ESF1: variants seen among roughly 807,000 people sequenced by gnomAD.
The protein encoded by ESF1 is ESF1 homolog.
Under a neutral mutation model 92.0 loss-of-function variants are expected in ESF1, and 58 were observed. The ratio of observed to expected loss-of-function variants is 0.63; its 90% confidence interval spans 0.51 to 0.78. ESF1 has a LOEUF of 0.78. Among genes scored for constraint, ESF1 ranks in the 30% least tolerant of loss-of-function variants. The probability of loss-of-function intolerance (pLI) is 0.00; values close to 1 mark genes in which losing one functional copy is unlikely to be tolerated. For synonymous variants in ESF1, 321 were observed against 313.7 expected, an observed-to-expected ratio of 1.02 and a Z score of -0.24; for missense variants, 922 against 989.1, an observed-to-expected ratio of 0.93 and a Z score of 0.91.
chr20:13,739,885 C>T (rs984975241), intron 9 of ESF1, among the ~76,000 whole-genome samples: 12 of 152,108 alleles, frequency 7.9e-5, no homozygotes, highest in African/African-American at 1.9e-4. Context: ...AGCCTGATCA[C>T]GGTGGGAGGT....
At chr20:13,745,187 AAC>A (rs1463417651) in intron 9 of ESF1, among the ~76,000 whole-genome samples, 11 of 152,246 alleles carry the variant, frequency 7.2e-5, no homozygotes, top group Non-Finnish European at 1.0e-4. Context: ...CATTTGGGAA[AAC>A]ACATGACCTA....
chr20:13,771,344 A>C lies in ESF1; in HGVS notation c.1390T>G (p.Phe464Val), dbSNP rs1979673332. ...ACACTGGATTACCTTAGATCTATGAAAGAACAACTACTTTCAAATTCCAGG... is the reference window on the plus strand; with the variant it reads ...ACACTGGATTACCTTAGATCTATGACAGAACAACTACTTTCAAATTCCAGG... ...DGLEFESSCS[F>V]IDLRFIPDDI... The change falls in exon 6 of 14, where the codon TTC (phenylalanine) becomes GTC (valine). Residue 464 changes from phenylalanine (F) to valine (V), a missense_variant. By Grantham distance (50) the Phe-to-Val change is conservative. Coordinates refer to ENST00000617257, the MANE Select transcript of ESF1 (RefSeq NM_001276380.2). The C allele has an allele frequency of 1.2e-6, 2 of 1,611,676 alleles. No individual in the cohort carries two copies. The highest frequency in any genetic ancestry group is 1.7e-6 in the Non-Finnish European group (2 of 1,179,598).
At chr20:13,759,901 ACT>A (rs1292045690) in intron 8 of ESF1, 48 bp from the exon 9 acceptor site, 1 of 1,533,690 alleles carries the variant, frequency 6.5e-7, no homozygotes, top group African/African-American at 1.4e-5. Flanking sequence ...TTCATTTCTA[ACT>A]CGTGTTCAGA....
At chr20:13,736,751 C>G (rs1329348134) in intron 9 of ESF1, among the ~76,000 whole-genome samples, 1 of 152,162 alleles carries the variant, frequency 6.6e-6, no homozygotes, top group Non-Finnish European at 1.5e-5. Flanking sequence ...ACCTATAACT[C>G]TAAAATAATT....
At chr20:13,769,555 A>G (rs938630112) in intron 7 of ESF1, among the ~76,000 whole-genome samples, 18 of 152,168 alleles carry the variant, frequency 1.2e-4, no homozygotes, top group African/African-American at 4.3e-4. Context: ...TTGGGAAGCC[A>G]AGGCGGCCTC....
In ESF1 at chr20:13,776,064, C is replaced by T. The variant is rs1979923362; in HGVS notation, c.844G>A (p.Glu282Lys). Reference sequence around the variant, plus strand: ...CTATCCTCATCTTCATCCTCCTCTTCATCTTCATCCTCCTCTTCATCATCT... The same window carrying T: ...CTATCCTCATCTTCATCCTCCTCTTTATCTTCATCCTCCTCTTCATCATCT... ...SEDDEEEDED[E>K]EEDEDEDSED... The change falls in exon 3 of 14, where the codon GAA becomes AAA. Residue 282 changes from glutamate to lysine, a missense_variant. Coordinates refer to ENST00000617257, the MANE Select transcript of ESF1 (RefSeq NM_001276380.2). 6.2e-7 allele frequency: 1 copy of T among 1,613,768 alleles called. No homozygotes were observed. Among genetic ancestry groups the T allele is most frequent in the African/African-American group, 1.3e-5 (1 of 75,036 alleles).
At chr20:13,737,897 C>A (rs766557730) in intron 9 of ESF1, among the ~76,000 whole-genome samples, 1 of 152,166 alleles carries the variant, frequency 6.6e-6, no homozygotes, top group Non-Finnish European at 1.5e-5. Context: ...CTCAGGTGAT[C>A]CGCCCACCTC....
chr20:13,784,845 C>A lies in ESF1; in HGVS notation c.-44+35G>T, dbSNP rs113165016. The A allele has an allele frequency of 3.6e-4, 213 of 588,882 alleles. 3 individuals are homozygous for A. In the East Asian group the frequency reaches 6.0e-3, roughly 16 times the overall value. The allele number at this position is 588,882 out of a possible 1,614,324, so 36.5% of individuals were successfully genotyped here. A position where few individuals can be genotyped will look rare whatever the true frequency, so the allele number is the denominator to read the frequency against. On this transcript the variant is annotated intron_variant, in intron 1 of 13. Coordinates refer to ENST00000617257, the MANE Select transcript of ESF1 (RefSeq NM_001276380.2). ...ACACACACGCCCTCAAGCCCTTCAT[C>A]TCGAGCTCTTCAACTCCAGTCCATC...
chr20:13,784,530 G>A (rs1980547409), intron 1 of ESF1, among the ~76,000 whole-genome samples: 1 of 152,044 alleles, frequency 6.6e-6, no homozygotes, highest in African/African-American at 2.4e-5. Flanking sequence ...CCGAGAGAGG[G>A]GAAGGCGACC....
intron 2 of ESF1, among the ~76,000 whole-genome samples, chr20:13,780,686 T>C (rs1420259103): frequency 1.3e-5 from 2 of 152,234 alleles, no homozygotes; most frequent in African/African-American, 4.8e-5. Flanking sequence ...CCTCTCGGCC[T>C]ATCAAGACCC....
At chr20:13,722,145 A>T (rs184654992) in intron 11 of ESF1, among the ~76,000 whole-genome samples, 1 of 152,354 alleles carries the variant, frequency 6.6e-6, no homozygotes, top group Admixed American at 6.5e-5. Context: ...TGTGGAAAAT[A>T]ATTTCAAAAA....
intron 9 of ESF1, among the ~76,000 whole-genome samples, chr20:13,747,592 C>CG (rs1238280710): frequency 8.3e-6 from 1 of 121,002 alleles, no homozygotes; most frequent in African/African-American, 3.3e-5. Flanking sequence ...GACTCAGTCT[C>CG]GAAAAAAAAA....
chr20:13,769,788 G>GA (rs1291302321), intron 7 of ESF1, 119 bp downstream of exon 7: 5 of 749,486 alleles, frequency 6.7e-6, no homozygotes, highest in Non-Finnish European at 1.1e-5. Flanking sequence ...TCTGTCTCAA[G>GA]AAAAAATAAT....
chr20:13,781,307 T>C (rs997065416), intron 2 of ESF1, among the ~76,000 whole-genome samples: 11 of 152,226 alleles, frequency 7.2e-5, no homozygotes, highest in Non-Finnish European at 1.0e-4. Flanking sequence ...GAAAATGGGA[T>C]GTAAAATATA....
chr20:13,722,516 T>C (rs2049874577), intron 11 of ESF1, among the ~76,000 whole-genome samples: 1 of 152,198 alleles, frequency 6.6e-6, no homozygotes, highest in African/African-American at 2.4e-5. Context: ...TGTTCTAAAA[T>C]ATTGTCTTTA....
Position 13,760,557 on chromosome 20 carries a change from G to A in ESF1, c.1667-704C>T, listed in dbSNP as rs567376051. Among the ~76,000 whole-genome samples the A allele has an allele frequency of 6.7e-4, 100 of 148,586 alleles. No individual in the cohort carries two copies. In the East Asian group the frequency reaches 0.017, roughly 25 times the overall value. ...TGAGAAGTGAGGAGCCCCTCCGCCC[G>A]GCAGCCGCCCCATCTGGGAAGTGAG... On this transcript the variant is annotated intron_variant, in intron 8 of 13. Transcript: ENST00000617257.
At chr20:13,770,309 G>A (rs539539945) in intron 6 of ESF1, among the ~76,000 whole-genome samples, 1 of 152,328 alleles carries the variant, frequency 6.6e-6, no homozygotes, top group African/African-American at 2.4e-5. Context: ...GCAAGCACAT[G>A]TGGGTCCCTC....
chr20:13,737,156 A>G (rs1054289684), intron 9 of ESF1, among the ~76,000 whole-genome samples: 5 of 152,204 alleles, frequency 3.3e-5, no homozygotes, highest in African/African-American at 1.2e-4. Context: ...GTTTTGCACA[A>G]ATTTGTTTAA....
chr20:13,730,994 G>A (rs1008934146), intron 10 of ESF1, among the ~76,000 whole-genome samples: 12 of 152,114 alleles, frequency 7.9e-5, no homozygotes, highest in African/African-American at 2.9e-4. Flanking sequence ...GAGTTGGAAA[G>A]GATCTGTTGG....
Sources: gnomAD v4.1 joint callset for allele counts (sites outside exome capture counted in the v4.1 genomes callset) on GRCh38, gnomAD v4.1.1 for gene constraint, MANE v1.5 for transcripts, NCBI Gene and HGNC (gene_info 2026-07-23, HGNC 2026-07-21) for gene names.